Variants in TMEM163 observed in about 807,000 individuals in gnomAD.
The protein encoded by TMEM163 is transmembrane protein 163.
TMEM163 carries 17 observed loss-of-function variants against 29.3 expected under a neutral mutation model. That is an observed-to-expected ratio of 0.58 (90% confidence interval 0.40 to 0.87). The LOEUF is 0.87. Ranked by LOEUF, TMEM163 falls within the 40% of genes least tolerant of loss-of-function variation. The pLI, the probability that TMEM163 is intolerant of heterozygous loss-of-function variation, is 0.00. For missense variants in TMEM163, 303 were observed against 381.5 expected (o/e 0.79, Z 1.71); for synonymous variants, 157 against 160.6 (o/e 0.98, Z 0.17).
intron 2 of TMEM163, among the ~76,000 whole-genome samples, chr2:134,661,739 C>T (rs1308577780): frequency 6.6e-6 from 1 of 152,088 alleles, no homozygotes; most frequent in Non-Finnish European, 1.5e-5. Flanking sequence ...GTACGTAGAG[C>T]TCACACACAT....
intron 2 of TMEM163, among the ~76,000 whole-genome samples, chr2:134,682,918 T>A (rs1338579251): frequency 6.6e-6 from 1 of 152,116 alleles, no homozygotes; most frequent in Non-Finnish European, 1.5e-5. Flanking sequence ...ATCCAGGCAA[T>A]GGAATGTTAC....
intron 2 of TMEM163, among the ~76,000 whole-genome samples, chr2:134,647,143 AAAGG>A (rs1683352330): frequency 6.6e-6 from 1 of 152,230 alleles, no homozygotes; most frequent in Non-Finnish European, 1.5e-5. Flanking sequence ...CTCATTTATA[AAAGG>A]AAGAGTCCCA....
chr2:134,497,586 T>C (rs1424229545), intron 5 of TMEM163, among the ~76,000 whole-genome samples: 2 of 152,132 alleles, frequency 1.3e-5, no homozygotes, highest in Non-Finnish European at 2.9e-5. Flanking sequence ...TTAGAAACAA[T>C]ATCATCTTCT....
At chr2:134,602,954 T>C (rs75924578) in intron 2 of TMEM163, among the ~76,000 whole-genome samples, 2,376 of 152,226 alleles carry the variant, frequency 0.016, 54 homozygotes, top group African/African-American at 0.054. Context: ...TCCCCAGCTA[T>C]ACTCCCTATT....
chr2:134,596,555 C>T, intron 2 of TMEM163, among the ~76,000 whole-genome samples: 1 of 152,182 alleles, frequency 6.6e-6, no homozygotes, highest in East Asian at 1.9e-4. Flanking sequence ...GTGATGCCTC[C>T]AGCTTTGTTC....
At chr2:134,544,470 C>A (rs555154729) in intron 4 of TMEM163, among the ~76,000 whole-genome samples, 1 of 152,182 alleles carries the variant, frequency 6.6e-6, no homozygotes, top group Non-Finnish European at 1.5e-5. Context: ...CTGCATGGGC[C>A]TATTTAAATT....
At position 134,566,548 on chromosome 2, in the gene TMEM163, G is replaced by A. The variant is rs150770470; in HGVS notation, c.323-14457C>T. On this transcript the variant is annotated intron_variant, in intron 2 of 7. Transcript: ENST00000281924. ...ACCGCACTCCAGCCTGGGTGGCAGG[G>A]TGAGACTCCATCTCAAAAAAAAAAT... Among the ~76,000 whole-genome samples the A allele has an allele frequency of 5.8e-3, 877 of 152,190 alleles. 11 individuals are homozygous for A. The highest frequency in any genetic ancestry group is 0.02 in the African/African-American group (840 of 41,518).
chr2:134,625,353 C>T (rs1321442813), intron 2 of TMEM163, among the ~76,000 whole-genome samples: 1 of 151,966 alleles, frequency 6.6e-6, no homozygotes, highest in Non-Finnish European at 1.5e-5. Context: ...TGTCCCCTAA[C>T]CCCACCACCT....
intron 2 of TMEM163, among the ~76,000 whole-genome samples, chr2:134,656,540 A>G (rs904058725): frequency 1.3e-5 from 2 of 152,114 alleles, no homozygotes; most frequent in Non-Finnish European, 2.9e-5. Flanking sequence ...TGTAGACCGG[A>G]GCTGTTCCTA....
chr2:134,528,489 C>T (rs1285628832), intron 4 of TMEM163, among the ~76,000 whole-genome samples: 1 of 152,106 alleles, frequency 6.6e-6, no homozygotes. Flanking sequence ...TTTCTTATAA[C>T]ATTGTTATGA....
chr2:134,702,657 A>T (rs973749091), intron 2 of TMEM163, among the ~76,000 whole-genome samples: 2 of 151,246 alleles, frequency 1.3e-5, no homozygotes, highest in Non-Finnish European at 2.9e-5. Context: ...AATAAAAAAT[A>T]AATTAATTAA....
At chr2:134,473,739 G>A (rs1686857295) in intron 5 of TMEM163, among the ~76,000 whole-genome samples, 1 of 152,102 alleles carries the variant, frequency 6.6e-6, no homozygotes, top group South Asian at 2.1e-4. Flanking sequence ...CTATTAAGAA[G>A]ATAACAAGGA....
At chr2:134,535,298 C>A (rs926698162) in intron 4 of TMEM163, among the ~76,000 whole-genome samples, 1 of 152,214 alleles carries the variant, frequency 6.6e-6, no homozygotes, top group African/African-American at 2.4e-5. Flanking sequence ...CAAGCACTTT[C>A]TTGGCTGAAA....
In TMEM163 at chr2:134,458,192, G is replaced by C. The variant is rs773229902; in HGVS notation, c.668-19C>G. ...TTAAACCCTGCAAAGGAAGTGGAGA[G>C]AGGCTAGATGGCAGTGCCAAGCAAT... On this transcript the variant is annotated intron_variant, in intron 6 of 7. Transcript: ENST00000281924. 6.2e-7 allele frequency: 1 copy of C among 1,613,672 alleles called. No homozygotes were observed. Among genetic ancestry groups the C allele is most frequent in the Non-Finnish European group, 8.5e-7 (1 of 1,179,660 alleles).
chr2:134,685,791 A>G (rs539429643), intron 2 of TMEM163, among the ~76,000 whole-genome samples: 2 of 152,348 alleles, frequency 1.3e-5, no homozygotes, highest in South Asian at 2.1e-4. Flanking sequence ...TGACCACCTC[A>G]TAGATTCTTG....
At chr2:134,561,983 A>G (rs1045384165) in intron 2 of TMEM163, among the ~76,000 whole-genome samples, 1 of 152,272 alleles carries the variant, frequency 6.6e-6, no homozygotes, top group Non-Finnish European at 1.5e-5. Flanking sequence ...CCTTTAGCCC[A>G]GTAAGTAAAG....
chr2:134,672,633 T>A (rs982969498), intron 2 of TMEM163, among the ~76,000 whole-genome samples: 12 of 152,066 alleles, frequency 7.9e-5, no homozygotes, highest in Non-Finnish European at 1.5e-4. Flanking sequence ...CACTTCAGCC[T>A]CCTAAATTGC....
At chr2:134,627,779 A>G (rs1308434948) in intron 2 of TMEM163, among the ~76,000 whole-genome samples, 2 of 152,246 alleles carry the variant, frequency 1.3e-5, no homozygotes, top group Non-Finnish European at 2.9e-5. Context: ...TATGGGGAGA[A>G]ATAGAATACA....
chr2:134,476,643 A>C (rs964274110), intron 5 of TMEM163, among the ~76,000 whole-genome samples: 1 of 152,216 alleles, frequency 6.6e-6, no homozygotes, highest in African/African-American at 2.4e-5. Flanking sequence ...AAGGACACAG[A>C]TCAAACCACA....
Sources: gnomAD v4.1 joint callset for allele counts (sites outside exome capture counted in the v4.1 genomes callset) on GRCh38, gnomAD v4.1.1 for gene constraint, MANE v1.5 for transcripts, NCBI Gene and HGNC (gene_info 2026-07-23, HGNC 2026-07-21) for gene names.